Variants in FLYWCH1 observed in about 807,000 individuals in gnomAD.
The protein encoded by FLYWCH1 is FLYWCH-type zinc finger-containing protein 1.
FLYWCH1 carries 75 observed loss-of-function variants against 66.4 expected under a neutral mutation model. The observed-to-expected ratio is 1.13, with a 90% CI of 0.94 to 1.37. FLYWCH1 has a LOEUF of 1.37. Among genes scored for constraint, FLYWCH1 ranks in the 40% most tolerant of loss-of-function variants. The probability of loss-of-function intolerance (pLI) is 0.00; values close to 1 mark genes in which losing one functional copy is unlikely to be tolerated. For synonymous variants in FLYWCH1, 595 were observed against 429.9 expected (o/e 1.38, Z -4.75); for missense variants, 1,334 against 1,001.8 (o/e 1.33, Z -4.48).
chr16:2,942,636 C>T (rs530391005), intron 9 of FLYWCH1, among the ~76,000 whole-genome samples: 5 of 50,846 alleles, frequency 9.8e-5, no homozygotes, highest in African/African-American at 5.6e-4. Context: ...CATGCAAAAC[C>T]AATTAATGTA....
intron 4 of FLYWCH1, among the ~76,000 whole-genome samples, chr16:2,932,528 G>C (rs1441460508): frequency 2.0e-5 from 3 of 152,038 alleles, no homozygotes; most frequent in Admixed American, 2.0e-4. Flanking sequence ...ATGGGCTTGG[G>C]TTCGAGGAGG....
At chr16:2,922,970 A>G (rs189942320) in intron 2 of FLYWCH1, 241 of 521,634 alleles carry the variant, frequency 4.6e-4, no homozygotes, top group Non-Finnish European at 9.1e-5. Flanking sequence ...CCGGAGTCGC[A>G]GTGTCTTGGG....
At chr16:2,927,837 C>G (rs1294094932) in intron 2 of FLYWCH1, among the ~76,000 whole-genome samples, 1 of 152,212 alleles carries the variant, frequency 6.6e-6, no homozygotes, top group Non-Finnish European at 1.5e-5. Flanking sequence ...ATATAGAAAA[C>G]AGTGGGCCCA....
At position 2,940,020 on chromosome 16, in the gene FLYWCH1, ATTT is replaced by A; in HGVS notation, c.2051-9_2051-7del. On this transcript the variant is annotated splice_polypyrimidine_tract_variant and intron_variant, in intron 8 of 9. Transcript: ENST00000253928. ...GAATTATTAATTCATATTTTCAATT[ATTT>A]TTCCACAGAAAAGATTCAAGTTCAG... The A allele has an allele frequency of 6.3e-7, 1 of 1,598,558 alleles. No individual in the cohort carries two copies. The highest frequency in any genetic ancestry group is 8.5e-7 in the Non-Finnish European group (1 of 1,170,858).
rs1278032619 is a variant in FLYWCH1, at chr16:2,933,426, C to T, written c.1093C>T (p.Leu365=). The T allele has an allele frequency of 3.1e-6, 5 of 1,601,274 alleles. No individual in the cohort carries two copies. The highest frequency in any genetic ancestry group is 2.3e-5 in the East Asian group (1 of 44,232). ...QDGPGSQVDT[L]LRGVDSLLYR... is the part of the protein sequence containing the mutation. ...CGGCCCTGGGAGCCAAGTGGACACG[C>T]TGCTCCGAGGCGTGGATAGTTTGCT... Residue 365 remains leucine (L), a synonymous_variant, in exon 5 of 10, where the codon CTG becomes TTG. Coordinates refer to ENST00000253928, the MANE Select transcript of FLYWCH1 (RefSeq NM_001308068.2).
intron 2 of FLYWCH1, among the ~76,000 whole-genome samples, chr16:2,918,296 C>T (rs1489504034): frequency 5.9e-5 from 9 of 151,972 alleles, no homozygotes; most frequent in East Asian, 1.9e-4. Flanking sequence ...TACAGGCGGC[C>T]GCCACCGCGC....
intron 6 of FLYWCH1, chr16:2,936,790 G>T (rs916182197): frequency 1.7e-5 from 9 of 534,652 alleles, no homozygotes; most frequent in African/African-American, 1.5e-4. Flanking sequence ...GACCAACCAG[G>T]CACGGCGCAC....
chr16:2,938,996 C>T (rs1407521056), intron 8 of FLYWCH1, among the ~76,000 whole-genome samples: 2 of 151,994 alleles, frequency 1.3e-5, no homozygotes, highest in Non-Finnish European at 2.9e-5. Flanking sequence ...CAACCTCTGC[C>T]TCCTGGGTTC....
intron 2 of FLYWCH1, chr16:2,923,147 G>A (rs2070438065): frequency 2.6e-6 from 1 of 386,022 alleles, no homozygotes; most frequent in Admixed American, 3.3e-5. Flanking sequence ...GCCTTTCAAC[G>A]CTGCCGCCTT....
intron 2 of FLYWCH1, among the ~76,000 whole-genome samples, chr16:2,914,638 T>C (rs1293374381): frequency 6.6e-6 from 1 of 152,052 alleles, no homozygotes; most frequent in Admixed American, 6.6e-5. Flanking sequence ...GTGGTTCACG[T>C]CTGTAATCCC....
intron 2 of FLYWCH1, among the ~76,000 whole-genome samples, chr16:2,920,237 C>G (rs578260688): frequency 2.0e-5 from 3 of 152,202 alleles, no homozygotes; most frequent in Admixed American, 1.3e-4. Context: ...CAAGAAGCTT[C>G]TGATGTTTAG....
At chr16:2,918,283 G>T (rs1280847152) in intron 2 of FLYWCH1, among the ~76,000 whole-genome samples, 1 of 151,818 alleles carries the variant, frequency 6.6e-6, no homozygotes, top group Non-Finnish European at 1.5e-5. Context: ...GAGTAGCTGG[G>T]ACTACAGGCG....
chr16:2,929,697 C>G lies in FLYWCH1; in HGVS notation c.12C>G (p.Pro4=), dbSNP rs749715704. The change falls in exon 3 of 10, where the codon CCC becomes CCG. Residue 4 remains proline, a synonymous_variant. Coordinates refer to ENST00000253928, the MANE Select transcript of FLYWCH1 (RefSeq NM_001308068.2). ...CCCTGGGTCCCGGGATGCCCCTGCC[C>G]GAGCCCAGCGAGCAGGAGGGCGAGA... MPL[P]EPSEQEGESV... The G allele has an allele frequency of 2.5e-6, 4 of 1,611,208 alleles. No individual in the cohort carries two copies. Among genetic ancestry groups the G allele is most frequent in the Admixed American group, 1.7e-5 (1 of 59,706 alleles).
rs115360126 is a variant in FLYWCH1 at position 2,936,748 on chromosome 16, T to G, written c.1514-373T>G. 3.6e-4 allele frequency: 172 copies of G among 483,948 alleles called. 1 individual carries two copies. The highest frequency in any genetic ancestry group is 3.1e-3 in the African/African-American group (157 of 51,398). The allele number at this position is 483,948 out of a possible 1,614,324, so 30.0% of individuals were successfully genotyped here. ...CAGCCCCATCCGGCTCCTGAGCAGC[T>G]TTGTCCCCAGAGGGCCCCGGGTCAT... is the stretch of plus-strand genomic sequence containing the variant. On this transcript the variant is annotated intron_variant, in intron 6 of 9. Coordinates refer to ENST00000253928, the MANE Select transcript of FLYWCH1 (RefSeq NM_001308068.2).
chr16:2,939,468 A>AG, intron 8 of FLYWCH1, among the ~76,000 whole-genome samples: 1 of 142,530 alleles, frequency 7.0e-6, no homozygotes, highest in Non-Finnish European at 1.6e-5. Context: ...AAAAAAGAGA[A>AG]GAAAAGAAAA....
Position 2,929,653 on chromosome 16 carries a change from G to A in FLYWCH1, c.-33G>A. The A allele has an allele frequency of 6.3e-7, 1 of 1,590,410 alleles. No homozygotes were observed. Among genetic ancestry groups the A allele is most frequent in the Non-Finnish European group, 8.6e-7 (1 of 1,168,490 alleles). On this transcript the variant is annotated 5_prime_UTR_variant, in exon 3 of 10. Coordinates refer to ENST00000253928, the MANE Select transcript of FLYWCH1 (RefSeq NM_001308068.2). ...CTCCAGGTTCCTTGCTGGGTGCTGAGCGTGGCCTGAGGGACAGGCCCTGGG... is the reference window on the plus strand; with the variant it reads ...CTCCAGGTTCCTTGCTGGGTGCTGAACGTGGCCTGAGGGACAGGCCCTGGG...
chr16:2,944,532 A>C (rs868355959), intron 9 of FLYWCH1, among the ~76,000 whole-genome samples: 11 of 152,114 alleles, frequency 7.2e-5, no homozygotes, highest in African/African-American at 2.4e-4. Context: ...TAAAAAGTCA[A>C]CTGTAGGCCA....
At chr16:2,937,035 G>C (rs142463011) in intron 6 of FLYWCH1, 86 bp from the exon 7 acceptor site, 4 of 1,225,080 alleles carry the variant, frequency 3.3e-6, no homozygotes, top group Middle Eastern at 2.1e-4. Flanking sequence ...AGGTGTGGGC[G>C]TTGTGGGAGG....
intron 4 of FLYWCH1, among the ~76,000 whole-genome samples, chr16:2,931,259 C>T (rs1399637820): frequency 6.7e-6 from 1 of 148,450 alleles, no homozygotes; most frequent in Admixed American, 6.8e-5. Context: ...GCCCAGATCG[C>T]TCCACTGTAT....
Sources: gnomAD v4.1 joint callset for allele counts (sites outside exome capture counted in the v4.1 genomes callset) on GRCh38, gnomAD v4.1.1 for gene constraint, MANE v1.5 for transcripts, NCBI Gene and HGNC (gene_info 2026-07-23, HGNC 2026-07-21) for gene names.